Variants in SERPINH1 observed in about 807,000 individuals in gnomAD.
The protein encoded by SERPINH1 is serpin family H member 1, also known as serpin H1.
A neutral mutation model predicts 32.3 loss-of-function variants in SERPINH1; 22 were observed. The ratio of observed to expected loss-of-function variants is 0.68; its 90% CI spans 0.49 to 0.97. SERPINH1 has a LOEUF of 0.97. Among genes scored for constraint, SERPINH1 ranks in the 50% least tolerant of loss-of-function variants. The pLI is 0.00. For missense variants in SERPINH1, 543 were observed against 576.4 expected (o/e 0.94, Z 0.59); for synonymous variants, 251 against 245.9 (o/e 1.02, Z -0.19).
intron 1 of SERPINH1, among the ~76,000 whole-genome samples, chr11:75,564,910 G>T (rs1389087747): frequency 6.6e-6 from 1 of 152,232 alleles, no homozygotes; most frequent in Admixed American, 6.5e-5. Context: ...CAGGCAGCCA[G>T]AGTCCTGAGG....
rs577035420 is a variant in SERPINH1 at position 75,571,949 on chromosome 11, G to T, written c.1123G>T (p.Glu375Ter). 2 of 1,614,206 alleles carry T rather than the reference G, an allele frequency of 1.2e-6. No homozygotes were observed. Among genetic ancestry groups the T allele is most frequent in the South Asian group, 1.1e-5 (1 of 91,086 alleles). Residue 375 changes from glutamate to a stop codon, truncating the protein, a stop_gained, in exon 5 of 5, where the codon GAG becomes TAG. Coordinates refer to ENST00000358171, the MANE Select transcript of SERPINH1 (RefSeq NM_001235.5). LOFTEE classifies it high-confidence loss of function. ...TGACCAGGACATCTACGGGCGCGAG[G>T]AGCTGCGCAGCCCCAAGCTGTTCTA... ...PFDQDIYGRE[E>*]LRSPKLFYAD...
chr11:75,571,708 TG>T, intron 4 of SERPINH1, 72 bp from the exon 5 acceptor site: 2 of 1,416,532 alleles, frequency 1.4e-6, no homozygotes, highest in Non-Finnish European at 9.9e-7. Flanking sequence ...CAGGGTAGTA[TG>T]GGGTGGAGGG....
chr11:75,571,853 A>G lies in SERPINH1; in HGVS notation c.1027A>G (p.Lys343Glu), dbSNP rs1942200991. The part of the protein sequence containing the change: ...NKADLSRMSG[K>E]KDLYLASVFH... The stretch of plus-strand genomic sequence containing the variant: ...GGCCGACTTGTCACGCATGTCAGGC[A>G]AGAAGGACCTGTACCTGGCCAGCGT... The change falls in exon 5 of 5, where the codon AAG becomes GAG. Residue 343 changes from lysine to glutamate, a missense_variant. Physicochemically the swap from Lys to Glu is moderately conservative, Grantham distance 56. This residue lies in a region of SERPINH1 where 427 missense variants were observed against 446.4 expected (regional missense o/e 0.96). Coordinates refer to ENST00000358171, the MANE Select transcript of SERPINH1 (RefSeq NM_001235.5). The G allele has an allele frequency of 1.2e-6, 2 of 1,614,216 alleles. No homozygotes were observed.
chr11:75,571,933 C>T lies in SERPINH1; in HGVS notation c.1107C>T (p.Asp369=), dbSNP rs1942203381. 1 of 1,614,122 alleles carries T rather than the reference C, an allele frequency of 6.2e-7. No individual in the cohort carries two copies. The highest frequency in any genetic ancestry group is 1.3e-5 in the African/African-American group (1 of 74,948). Residue 369 remains aspartate, a synonymous_variant, in exon 5 of 5, where the codon GAC becomes GAT. Coordinates refer to ENST00000358171, the MANE Select transcript of SERPINH1 (RefSeq NM_001235.5). ...CAGATGGCAACCCCTTTGACCAGGA[C>T]ATCTACGGGCGCGAGGAGCTGCGCA... The part of the protein sequence containing the change: ...LDTDGNPFDQ[D]IYGREELRSP...
At chr11:75,569,396 G>C (rs1047196184) in intron 4 of SERPINH1, 7 of 575,208 alleles carry the variant, frequency 1.2e-5, no homozygotes, top group African/African-American at 7.5e-5. Context: ...TGTATGCTAG[G>C]CGTTCTTCTA....
rs2135558366 is a variant in SERPINH1, at chr11:75,572,251, G to C, written c.*168G>C. On this transcript the variant is annotated 3_prime_UTR_variant, in exon 5 of 5. Transcript: ENST00000358171. ...GTGCCTGAGCGGACCTTCCCAGCTAGAATTCACTCCACTTGGACATGGGCC... is the reference window on the plus strand; with the variant it reads ...GTGCCTGAGCGGACCTTCCCAGCTACAATTCACTCCACTTGGACATGGGCC... 1 of 695,768 alleles carries C rather than the reference G, an allele frequency of 1.4e-6. No homozygotes were observed. Among genetic ancestry groups the C allele is most frequent in the Admixed American group, 2.1e-5 (1 of 48,104 alleles). 43.1% of individuals were successfully genotyped at this position (695,768 alleles called of 1,614,324 possible).
chr11:75,563,276 C>G (rs7123719), intron 1 of SERPINH1: 2 of 152,306 alleles, frequency 1.3e-5, no homozygotes, highest in Admixed American at 1.3e-4. Context: ...GCTGGTCCCT[C>G]TGGGCTGTAC....
rs369937589 is a variant in SERPINH1, at chr11:75,568,982, C to T, written c.765C>T (p.Ile255=). 14 of 1,614,024 alleles carry T rather than the reference C, an allele frequency of 8.7e-6. No homozygotes were observed. The Admixed American group carries it at 1.7e-4, about 19-fold the overall frequency. Residue 255 remains isoleucine, a synonymous_variant, in exon 4 of 5, where the codon ATC becomes ATT. Coordinates refer to ENST00000358171, the MANE Select transcript of SERPINH1 (RefSeq NM_001235.5). ...ACGACGAGAAGGAAAAGCTGCAAAT[C>T]GTGGAGATGCCCCTGGCCCACAAGC... The part of the protein sequence containing the change: ...YYDDEKEKLQ[I]VEMPLAHKLS...
intron 1 of SERPINH1, among the ~76,000 whole-genome samples, chr11:75,565,344 G>GA (rs1461735202): frequency 6.6e-6 from 1 of 152,180 alleles, no homozygotes; most frequent in Non-Finnish European, 1.5e-5. Context: ...TGGTGATGGG[G>GA]AAGGGGGTCA....
At chr11:75,567,120 A>G in intron 2 of SERPINH1, 149 bp downstream of exon 2, 1 of 905,372 alleles carries the variant, frequency 1.1e-6, no homozygotes, top group Non-Finnish European at 1.6e-6. Flanking sequence ...AGCTTTTTGT[A>G]CAGACTGGAA....
intron 4 of SERPINH1, chr11:75,569,387 G>A: frequency 5.1e-6 from 3 of 584,366 alleles, no homozygotes; most frequent in Non-Finnish European, 9.1e-6. Flanking sequence ...GAACATTCCT[G>A]TATGCTAGGC....
At chr11:75,563,216 G>A (rs1942009743) in intron 1 of SERPINH1, 1 of 152,310 alleles carries the variant, frequency 6.6e-6, no homozygotes, top group Non-Finnish European at 1.5e-5. Flanking sequence ...GAGAATGAAT[G>A]CACTTCCAGA....
At chr11:75,570,825 A>T (rs745690714) in intron 4 of SERPINH1, among the ~76,000 whole-genome samples, 1 of 152,230 alleles carries the variant, frequency 6.6e-6, no homozygotes, top group African/African-American at 2.4e-5. Flanking sequence ...CACCAGACTG[A>T]TAACAGGAAG....
In SERPINH1 at chr11:75,566,569, G is replaced by T. The variant is rs1404479835; in HGVS notation, c.220G>T (p.Val74Leu). 56 of 1,610,220 alleles carry T rather than the reference G, an allele frequency of 3.5e-5. No homozygotes were observed. The highest frequency in any genetic ancestry group is 4.7e-5 in the Non-Finnish European group (56 of 1,179,492). The change falls in exon 2 of 5, where the codon GTG (valine) becomes TTG (leucine). Residue 74 changes from valine to leucine, a missense_variant. Physicochemically the swap from Val to Leu is conservative, Grantham distance 32. This residue lies in a region of SERPINH1 where 109 missense variants were observed against 102.4 expected (regional missense o/e 1.06). Coordinates refer to ENST00000358171, the MANE Select transcript of SERPINH1 (RefSeq NM_001235.5). ...VENILVSPVV[V>L]ASSLGLVSLG... ...GAACATCCTGGTGTCACCCGTGGTG[G>T]TGGCCTCGTCGCTAGGGCTCGTGTC...
chr11:75,568,292 A>T, intron 2 of SERPINH1: 1 of 209,942 alleles, frequency 4.8e-6, no homozygotes. Context: ...ACCTTGTCTC[A>T]AAAAGAAAAA....
At chr11:75,571,077 T>G (rs1942187473) in intron 4 of SERPINH1, among the ~76,000 whole-genome samples, 1 of 150,386 alleles carries the variant, frequency 6.6e-6, no homozygotes, top group South Asian at 2.1e-4. Context: ...GGAAAGATGT[T>G]TGTGTGTGTG....
At chr11:75,570,593 T>TG (rs1185909323) in intron 4 of SERPINH1, among the ~76,000 whole-genome samples, 1 of 152,206 alleles carries the variant, frequency 6.6e-6, no homozygotes, top group Non-Finnish European at 1.5e-5. Context: ...CTACCTCGAA[T>TG]GCCTGTCTCA....
At chr11:75,563,465 C>G (rs1942014702) in intron 1 of SERPINH1, 1 of 152,308 alleles carries the variant, frequency 6.6e-6, no homozygotes. Flanking sequence ...GGCTGTGTAA[C>G]AGGACACCGC....
At position 75,566,991 on chromosome 11, in the gene SERPINH1, A is replaced by G; in HGVS notation, c.622+20A>G. The G allele has an allele frequency of 6.4e-7, 1 of 1,565,364 alleles. No homozygotes were observed. ...TCAAGCGTGAGTCGGGGGCGCGTTC[A>G]GGGGTCCTCCTCCTCCTCCCAGGAC... is the stretch of plus-strand genomic sequence containing the variant. On this transcript the variant is annotated intron_variant, in intron 2 of 4. Coordinates refer to ENST00000358171, the MANE Select transcript of SERPINH1 (RefSeq NM_001235.5).
Sources: gnomAD v4.1 joint callset for allele counts (sites outside exome capture counted in the v4.1 genomes callset) on GRCh38, gnomAD v4.1.1 for gene constraint, gnomAD v4.1.1 regional missense constraint, MANE v1.5 for transcripts, NCBI Gene and HGNC (gene_info 2026-07-23, HGNC 2026-07-21) for gene names.